The following KDM6A variants were observed in gnomAD, a reference collection of about 807,000 sequenced individuals.
KDM6A encodes the protein lysine demethylase 6A.
In KDM6A, 11 loss-of-function variants were observed where a neutral mutation model predicts 117.6. The ratio of observed to expected loss-of-function variants is 0.09; its 90% CI spans 0.06 to 0.15. The LOEUF (loss-of-function observed/expected upper bound fraction) is 0.15, where lower values mean the gene tolerates loss of function less well. Ranked by LOEUF, KDM6A falls within the 10% of genes least tolerant of loss-of-function variation. The probability of loss-of-function intolerance (pLI) is 1.00; values close to 1 mark genes in which losing one functional copy is unlikely to be tolerated. For synonymous variants in KDM6A, 384 were observed against 396.1 expected, an observed-to-expected ratio of 0.97 and a Z score of 0.36; for missense variants, 799 against 1,077.3, an observed-to-expected ratio of 0.74 and a Z score of 3.62.
chrX:45,106,991 A>G (rs1406080395), intron 27 of KDM6A: 1 of 177,546 alleles, frequency 5.6e-6, no homozygotes, highest in South Asian at 9.7e-5. Context: ...TAAAAAAAAA[A>G]TAATGTGCCT....
At chrX:44,944,105 G>A (rs955772109) in intron 2 of KDM6A, among the ~76,000 whole-genome samples, 2 of 111,326 alleles carry the variant, frequency 1.8e-5, no homozygotes, top group Non-Finnish European at 1.9e-5. Context: ...TAATCCCAGC[G>A]CTTTGAGAGG....
chrX:44,969,894 T>G (rs2039253191), intron 3 of KDM6A, among the ~76,000 whole-genome samples: 1 of 112,578 alleles, frequency 8.9e-6, no homozygotes, highest in South Asian at 3.6e-4. Context: ...TGTATGAGGA[T>G]GTCCAAATAA....
intron 4 of KDM6A, among the ~76,000 whole-genome samples, chrX:44,992,651 A>G (rs969476903): frequency 7.3e-5 from 8 of 109,129 alleles, no homozygotes; most frequent in African/African-American, 1.0e-4. Context: ...CCTGGGTTCA[A>G]GCGATTCTCC....
chrX:45,004,939 A>T (rs1000131996), intron 4 of KDM6A, among the ~76,000 whole-genome samples: 1 of 109,918 alleles, frequency 9.1e-6, no homozygotes, highest in African/African-American at 3.3e-5. Context: ...TTGGTCTGCC[A>T]CTCCATAAGG....
At chrX:45,004,735 T>C (rs1013151437) in intron 4 of KDM6A, among the ~76,000 whole-genome samples, 1 of 111,632 alleles carries the variant, frequency 9.0e-6, no homozygotes, top group Non-Finnish European at 1.9e-5. Context: ...TGCTTTGTTA[T>C]TGTCCCACCA....
At chrX:44,964,597 G>A (rs181536758) in intron 3 of KDM6A, among the ~76,000 whole-genome samples, 117 of 111,564 alleles carry the variant, frequency 1.0e-3, no homozygotes, top group African/African-American at 3.7e-3. Context: ...GTGCATTGTC[G>A]GTGAGCAATA....
chrX:44,991,943 C>G (rs2040608127), intron 4 of KDM6A, among the ~76,000 whole-genome samples: 1 of 110,816 alleles, frequency 9.0e-6, no homozygotes, highest in African/African-American at 3.3e-5. Flanking sequence ...CCCGCCTCAG[C>G]CTCTCAGAGT....
intron 2 of KDM6A, among the ~76,000 whole-genome samples, chrX:44,878,914 G>A (rs893012510): frequency 2.7e-5 from 3 of 110,455 alleles, no homozygotes; most frequent in African/African-American, 9.9e-5. Flanking sequence ...TAGAGGTGGG[G>A]TTTCACCGTG....
At position 45,107,410 on chromosome X, in the gene KDM6A, G is replaced by A. The variant is rs748921036; in HGVS notation, c.4035G>A (p.Lys1345=). Reference sequence around the variant, plus strand: ...ACAAATAATTTCTCCCCCACAATAGGTATTGTCTTCTAAGAACTCTGAAGC... The same window carrying A: ...ACAAATAATTTCTCCCCCACAATAGATATTGTCTTCTAAGAACTCTGAAGC... ...VSDPKLFEMI[K]YCLLRTLKQC... The change falls in exon 28 of 30, where the codon AAG becomes AAA. Residue 1345 remains lysine, a splice_region_variant and synonymous_variant. Coordinates refer to ENST00000611820, the MANE Select transcript of KDM6A (RefSeq NM_001291415.2). The A allele has an allele frequency of 3.3e-6, 4 of 1,206,333 alleles. No homozygotes were observed. Among genetic ancestry groups the A allele is most frequent in the East Asian group, 3.0e-5 (1 of 33,764 alleles).
intron 2 of KDM6A, 85 bp downstream of exon 2, chrX:44,874,072 T>C (rs2031186718): frequency 3.3e-6 from 3 of 900,588 alleles, no homozygotes; most frequent in African/African-American, 2.0e-5. Flanking sequence ...GGGTCTGTGC[T>C]CATTGTGGCC....
chrX:44,911,410 G>T (rs1429504280), intron 2 of KDM6A, among the ~76,000 whole-genome samples: 97 of 106,719 alleles, frequency 9.1e-4, no homozygotes, highest in Non-Finnish European at 1.4e-4. Flanking sequence ...GGGCAGAGGC[G>T]CTCCTCACAT....
chrX:44,899,210 G>GGT (rs1293313037), intron 2 of KDM6A, among the ~76,000 whole-genome samples: 1 of 77,993 alleles, frequency 1.3e-5, no homozygotes. Flanking sequence ...AGGAAGGGAG[G>GGT]GTGTGTGTGT....
At chrX:44,932,396 C>T (rs1019204997) in intron 2 of KDM6A, among the ~76,000 whole-genome samples, 10 of 110,266 alleles carry the variant, frequency 9.1e-5, no homozygotes, top group Non-Finnish European at 1.7e-4. Context: ...CAGGTTTGAG[C>T]CACCACGCCT....
intron 8 of KDM6A, among the ~76,000 whole-genome samples, chrX:45,050,594 ATTTG>A: frequency 9.0e-6 from 1 of 111,553 alleles, no homozygotes; most frequent in Non-Finnish European, 1.9e-5. Flanking sequence ...TTTTGAAAAT[ATTTG>A]TTTGCTCAGG....
chrX:45,006,883 A>G (rs1390970994), intron 4 of KDM6A, among the ~76,000 whole-genome samples: 1 of 109,535 alleles, frequency 9.1e-6, no homozygotes, highest in East Asian at 2.9e-4. Context: ...GTGAGCCGAG[A>G]TCACACCATT....
chrX:45,012,286 C>T (rs890677232), intron 5 of KDM6A, among the ~76,000 whole-genome samples: 34 of 101,872 alleles, frequency 3.3e-4, no homozygotes, highest in African/African-American at 1.1e-3. Flanking sequence ...CTGCAACCTC[C>T]GCCTCCCGGG....
chrX:44,895,364 C>T (rs1055716502), intron 2 of KDM6A, among the ~76,000 whole-genome samples: 2 of 108,330 alleles, frequency 1.8e-5, no homozygotes, highest in Admixed American at 2.0e-4. Context: ...GTGATCTGCC[C>T]GCCTCGGCCT....
At chrX:44,897,434 T>A (rs2033988856) in intron 2 of KDM6A, among the ~76,000 whole-genome samples, 1 of 111,507 alleles carries the variant, frequency 9.0e-6, no homozygotes, top group Non-Finnish European at 1.9e-5. Context: ...AAAATCTGAT[T>A]TACCTCAGTA....
intron 6 of KDM6A, among the ~76,000 whole-genome samples, chrX:45,027,430 A>G (rs2042423926): frequency 9.0e-6 from 1 of 111,202 alleles, no homozygotes; most frequent in South Asian, 3.8e-4. Context: ...TATTTCCTTT[A>G]TGATGCTCAA....
Sources: allele counts gnomAD v4.1 joint callset (sites outside exome capture counted in the v4.1 genomes callset), GRCh38; gene constraint gnomAD v4.1.1; transcripts MANE v1.5; gene names NCBI Gene and HGNC (gene_info 2026-07-23, HGNC 2026-07-21).